The following CADM2 variants were observed in gnomAD, a reference collection of about 807,000 sequenced individuals.
CADM2 encodes immunoglobulin superfamily member 4D.
CADM2 carries 12 observed loss-of-function variants against 49.8 expected under a neutral mutation model. The observed-to-expected ratio is 0.24, with a 90% confidence interval of 0.15 to 0.39. The LOEUF is 0.39. CADM2 is among the 10% of genes least tolerant of loss of function. The probability of loss-of-function intolerance (pLI) is 1.00; values close to 1 mark genes in which losing one functional copy is unlikely to be tolerated. For missense variants in CADM2, 378 were observed against 492.3 expected, an observed-to-expected ratio of 0.77 and a Z score of 2.20; for synonymous variants, 214 against 175.4, an observed-to-expected ratio of 1.22 and a Z score of -1.74.
At chr3:85,773,880 T>C (rs1577280444) in intron 2 of CADM2, among the ~76,000 whole-genome samples, 1 of 152,144 alleles carries the variant, frequency 6.6e-6, no homozygotes, top group East Asian at 1.9e-4. Context: ...TAGAAATTGA[T>C]GTAATTTTAT....
At chr3:85,046,323 T>C (rs2035652783) in intron 1 of CADM2, among the ~76,000 whole-genome samples, 1 of 148,784 alleles carries the variant, frequency 6.7e-6, no homozygotes, top group African/African-American at 2.5e-5. Context: ...CAATTTTCTT[T>C]TTTTTTTTTT....
At chr3:85,859,741 T>C (rs939110040) in intron 3 of CADM2, among the ~76,000 whole-genome samples, 18 of 152,240 alleles carry the variant, frequency 1.2e-4, no homozygotes, top group Admixed American at 2.0e-4. Context: ...CCTGTATTAA[T>C]TGCCCTCACA....
chr3:85,569,266 T>C (rs975214381), intron 1 of CADM2, among the ~76,000 whole-genome samples: 8 of 152,180 alleles, frequency 5.3e-5, no homozygotes, highest in Admixed American at 5.2e-4. Context: ...TGTAAATTGT[T>C]GCACCTATCA....
At chr3:85,384,826 T>C (rs1325770388) in intron 1 of CADM2, among the ~76,000 whole-genome samples, 1 of 152,074 alleles carries the variant, frequency 6.6e-6, no homozygotes, top group Non-Finnish European at 1.5e-5. Flanking sequence ...TACTGGAATT[T>C]ATTGACCTTT....
chr3:85,224,434 T>G (rs2042107524), intron 1 of CADM2, among the ~76,000 whole-genome samples: 2 of 152,206 alleles, frequency 1.3e-5, no homozygotes, highest in South Asian at 4.1e-4. Flanking sequence ...TTCACCCATT[T>G]TTTGATGGCA....
intron 1 of CADM2, among the ~76,000 whole-genome samples, chr3:85,652,559 G>T (rs1246577699): frequency 1.3e-5 from 2 of 151,850 alleles, no homozygotes; most frequent in Non-Finnish European, 2.9e-5. Context: ...ATTGCCTTTT[G>T]GACTGAGATG....
At chr3:85,914,727 C>T (rs2108487355) in intron 6 of CADM2, among the ~76,000 whole-genome samples, 1 of 152,256 alleles carries the variant, frequency 6.6e-6, no homozygotes, top group African/African-American at 2.4e-5. Flanking sequence ...AAGGAGAAAA[C>T]ATAGCAGATG....
chr3:85,652,355 A>G (rs1027803835), intron 1 of CADM2, among the ~76,000 whole-genome samples: 2 of 152,090 alleles, frequency 1.3e-5, no homozygotes, highest in Non-Finnish European at 2.9e-5. Flanking sequence ...ATGACTTAAA[A>G]CAATGCATAT....
intron 1 of CADM2, among the ~76,000 whole-genome samples, chr3:85,705,177 A>C (rs1445686939): frequency 6.6e-6 from 1 of 150,402 alleles, no homozygotes; most frequent in Admixed American, 6.6e-5. Context: ...CCTTCTTTTC[A>C]TTCTTATTTA....
In CADM2 at chr3:85,338,217, C is replaced by T. The variant is rs72903257; in HGVS notation, c.61+378549C>T. Among the ~76,000 whole-genome samples, 502 of 151,604 alleles carry T rather than the reference C, an allele frequency of 3.3e-3. 6 individuals carry two copies. Among genetic ancestry groups the T allele is most frequent in the African/African-American group, 0.011 (458 of 41,458 alleles). On this transcript the variant is annotated intron_variant, in intron 1 of 9. Coordinates refer to ENST00000383699, the MANE Select transcript of CADM2 (RefSeq NM_001167675.2). Reference sequence around the variant, plus strand: ...CAGCTGGTTACATATAAGCCTTTTCCGCATTAAACTTGTGTGTCCCATATC... The same window carrying T: ...CAGCTGGTTACATATAAGCCTTTTCTGCATTAAACTTGTGTGTCCCATATC...
intron 1 of CADM2, among the ~76,000 whole-genome samples, chr3:85,307,905 A>T (rs2044251079): frequency 6.6e-6 from 1 of 151,222 alleles, no homozygotes; most frequent in Non-Finnish European, 1.5e-5. Flanking sequence ...TAAAATAGGT[A>T]CACATTTTTT....
chr3:85,107,857 A>C (rs1575882881), intron 1 of CADM2, among the ~76,000 whole-genome samples: 2 of 149,632 alleles, frequency 1.3e-5, no homozygotes, highest in African/African-American at 4.9e-5. Context: ...GCACCATCAC[A>C]CCCAGCTAAT....
intron 1 of CADM2, among the ~76,000 whole-genome samples, chr3:84,977,468 A>C (rs2031892494): frequency 6.6e-6 from 1 of 152,058 alleles, no homozygotes; most frequent in African/African-American, 2.4e-5. Context: ...ATATATTCTC[A>C]CATACAACTT....
chr3:85,193,715 A>T (rs1278701284), intron 1 of CADM2, among the ~76,000 whole-genome samples: 1 of 152,050 alleles, frequency 6.6e-6, no homozygotes, highest in African/African-American at 2.4e-5. Flanking sequence ...TTCTTTCTGC[A>T]TTGCAGATTT....
rs546422485 is a variant in CADM2, at chr3:85,752,648, C to T, written c.88+26100C>T. Among the ~76,000 whole-genome samples, 179 of 152,148 alleles carry T rather than the reference C, an allele frequency of 1.2e-3. 1 individual carries two copies. The highest frequency in any genetic ancestry group is 4.0e-3 in the African/African-American group (167 of 41,514). On this transcript the variant is annotated intron_variant, in intron 2 of 9. Coordinates refer to ENST00000383699, the MANE Select transcript of CADM2 (RefSeq NM_001167675.2). The stretch of plus-strand genomic sequence containing the variant: ...GAAAACAAAAATAGCCATTCTGATG[C>T]CTCCTGTCTCATTGTCTAGTAAGTC...
intron 1 of CADM2, among the ~76,000 whole-genome samples, chr3:85,206,482 T>C (rs2107757692): frequency 6.6e-6 from 1 of 152,074 alleles, no homozygotes; most frequent in Admixed American, 6.5e-5. Flanking sequence ...TAATTTTTTG[T>C]ATTTTTAGTA....
chr3:85,417,257 A>G (rs187687887), intron 1 of CADM2, among the ~76,000 whole-genome samples: 2 of 152,196 alleles, frequency 1.3e-5, no homozygotes, highest in East Asian at 3.9e-4. Context: ...AATTTACTAA[A>G]TTTACTCTAC....
At chr3:85,188,906 T>C (rs1204163251) in intron 1 of CADM2, among the ~76,000 whole-genome samples, 1 of 151,356 alleles carries the variant, frequency 6.6e-6, no homozygotes, top group African/African-American at 2.4e-5. Flanking sequence ...TGGCGGGCAC[T>C]TGTAGTCCCA....
intron 1 of CADM2, among the ~76,000 whole-genome samples, chr3:85,365,880 A>G (rs1176286450): frequency 1.3e-5 from 2 of 152,132 alleles, no homozygotes; most frequent in Non-Finnish European, 2.9e-5. Flanking sequence ...GGCAAGTTTT[A>G]TATTAGGTTC....
Sources: allele counts gnomAD v4.1 joint callset (sites outside exome capture counted in the v4.1 genomes callset), GRCh38; gene constraint gnomAD v4.1.1; transcripts MANE v1.5; gene names NCBI Gene and HGNC (gene_info 2026-07-23, HGNC 2026-07-21).